Variants in CYP2C18 observed in about 807,000 individuals in gnomAD.
The protein encoded by CYP2C18 is cytochrome P450 family 2 subfamily C member 18.
CYP2C18 carries 38 observed loss-of-function variants against 41.3 expected under a neutral mutation model. The observed-to-expected ratio is 0.92, with a 90% CI of 0.71 to 1.21. The LOEUF is 1.21. Among genes scored for constraint, CYP2C18 ranks in the 50% most tolerant of loss-of-function variants. The probability of loss-of-function intolerance (pLI) is 0.00; values close to 1 mark genes in which losing one functional copy is unlikely to be tolerated. For missense variants in CYP2C18, 635 were observed against 591.4 expected, an observed-to-expected ratio of 1.07 and a Z score of -0.77; for synonymous variants, 236 against 210.0, an observed-to-expected ratio of 1.12 and a Z score of -1.07.
At chr10:94,701,541 C>G (rs1299890970) in intron 4 of CYP2C18, among the ~76,000 whole-genome samples, 3 of 152,132 alleles carry the variant, frequency 2.0e-5, no homozygotes, top group African/African-American at 7.2e-5. Flanking sequence ...ATGGGTGCAG[C>G]ACACCAACAT....
intron 4 of CYP2C18, among the ~76,000 whole-genome samples, chr10:94,700,444 G>C (rs1294932463): frequency 6.6e-6 from 1 of 152,160 alleles, no homozygotes; most frequent in Non-Finnish European, 1.5e-5. Flanking sequence ...GCTGAAACTG[G>C]ATGCCTTCCT....
intron 3 of CYP2C18, among the ~76,000 whole-genome samples, chr10:94,690,634 C>T (rs1220747266): frequency 6.6e-6 from 1 of 152,128 alleles, no homozygotes; most frequent in African/African-American, 2.4e-5. Context: ...GAAACTATTC[C>T]AATCAATAGA....
intron 4 of CYP2C18, among the ~76,000 whole-genome samples, chr10:94,705,824 A>T (rs1847333031): frequency 6.6e-6 from 1 of 152,192 alleles, no homozygotes; most frequent in African/African-American, 2.4e-5. Context: ...AGATGAGAAA[A>T]GAAATGCCTG....
intron 3 of CYP2C18, among the ~76,000 whole-genome samples, chr10:94,693,739 T>C (rs1369180975): frequency 6.6e-6 from 1 of 152,156 alleles, no homozygotes; most frequent in African/African-American, 2.4e-5. Flanking sequence ...CTAAACAGGG[T>C]CCCATTATTT....
intron 4 of CYP2C18, among the ~76,000 whole-genome samples, chr10:94,698,144 G>A (rs375691792): frequency 3.3e-5 from 5 of 152,064 alleles, no homozygotes; most frequent in African/African-American, 9.7e-5. Flanking sequence ...ATAGACATCT[G>A]CAGAACTCTC....
chr10:94,729,648 C>A (rs1564649470), intron 7 of CYP2C18, among the ~76,000 whole-genome samples: 1 of 152,028 alleles, frequency 6.6e-6, no homozygotes, highest in Non-Finnish European at 1.5e-5. Flanking sequence ...TATATATAAA[C>A]AATCTTGGGA....
At chr10:94,694,799 A>C in intron 3 of CYP2C18, 118 bp from the exon 4 acceptor site, 14 of 1,125,696 alleles carry the variant, frequency 1.2e-5, no homozygotes, top group Non-Finnish European at 1.8e-5. Flanking sequence ...TGTGTTGATA[A>C]GAGAATTTCT....
At chr10:94,729,275 T>C (rs1235988175) in intron 7 of CYP2C18, among the ~76,000 whole-genome samples, 1 of 152,170 alleles carries the variant, frequency 6.6e-6, no homozygotes, top group Non-Finnish European at 1.5e-5. Context: ...TAGACACCAG[T>C]GTGCAAGTTG....
intron 5 of CYP2C18, among the ~76,000 whole-genome samples, chr10:94,714,494 G>A (rs572616585): frequency 6.6e-6 from 1 of 152,250 alleles, no homozygotes; most frequent in South Asian, 2.1e-4. Context: ...TTGTAGATGT[G>A]CGGTATTATT....
intron 6 of CYP2C18, among the ~76,000 whole-genome samples, chr10:94,722,425 T>C (rs1847662929): frequency 6.6e-6 from 1 of 152,152 alleles, no homozygotes; most frequent in Non-Finnish European, 1.5e-5. Context: ...ATAAACATAT[T>C]ACAAATGAGA....
In CYP2C18 at chr10:94,721,861, G is replaced by A. The variant is rs550645645; in HGVS notation, c.961+1324G>A. Reference sequence around the variant, plus strand: ...TGTGACACACCATAGAATACTAGATGCAGATTTTTAAATCCCACACATAAC... The same window carrying A: ...TGTGACACACCATAGAATACTAGATACAGATTTTTAAATCCCACACATAAC... On this transcript the variant is annotated intron_variant, in intron 6 of 8. Transcript: ENST00000285979. Among the ~76,000 whole-genome samples the A allele has an allele frequency of 6.6e-5, 10 of 152,046 alleles. No homozygotes were observed. The South Asian group carries it at 2.1e-3, about 32-fold the overall frequency.
intron 5 of CYP2C18, among the ~76,000 whole-genome samples, chr10:94,713,997 C>T (rs1475167866): frequency 1.3e-5 from 2 of 152,156 alleles, no homozygotes; most frequent in East Asian, 3.9e-4. Flanking sequence ...AGTGTCTGTT[C>T]ATATACTTCA....
chr10:94,706,997 A>G (rs756703761), intron 5 of CYP2C18, 37 bp downstream of exon 5: 1 of 1,571,368 alleles, frequency 6.4e-7, no homozygotes, highest in South Asian at 1.1e-5. Context: ...CTTGTGGTTC[A>G]TTGATTAGTT....
At chr10:94,704,255 A>C (rs1475319137) in intron 4 of CYP2C18, among the ~76,000 whole-genome samples, 1 of 151,130 alleles carries the variant, frequency 6.6e-6, no homozygotes, top group African/African-American at 2.4e-5. Flanking sequence ...GAAATTTTGG[A>C]TACTCTTATA....
At chr10:94,719,735 C>T (rs550020968) in intron 5 of CYP2C18, among the ~76,000 whole-genome samples, 12 of 152,010 alleles carry the variant, frequency 7.9e-5, no homozygotes, top group East Asian at 1.9e-4. Context: ...CCATCACGCC[C>T]GGCTAATTTT....
chr10:94,698,591 A>C (rs929049816), intron 4 of CYP2C18, among the ~76,000 whole-genome samples: 11 of 152,214 alleles, frequency 7.2e-5, no homozygotes, highest in Non-Finnish European at 1.5e-4. Flanking sequence ...AAGAGCAAAC[A>C]CATTCAAAAG....
chr10:94,706,415 T>C (rs1003733384), intron 4 of CYP2C18, among the ~76,000 whole-genome samples: 2 of 152,200 alleles, frequency 1.3e-5, no homozygotes, highest in Non-Finnish European at 2.9e-5. Context: ...TATTTCATGT[T>C]GTTCAAATTT....
Position 94,696,205 on chromosome 10 carries a change from C to T in CYP2C18, c.642+1128C>T, listed in dbSNP as rs183611485. Among the ~76,000 whole-genome samples, 118 of 152,264 alleles carry T rather than the reference C, an allele frequency of 7.7e-4. 1 individual carries two copies. Among genetic ancestry groups the T allele is most frequent in the African/African-American group, 2.7e-3 (111 of 41,578 alleles). On this transcript the variant is annotated intron_variant, in intron 4 of 8. Coordinates refer to ENST00000285979, the MANE Select transcript of CYP2C18 (RefSeq NM_000772.3). The stretch of plus-strand genomic sequence containing the variant: ...CGTCTTAAGTGGGTCCCTGACCCCC[C>T]AGTAGCCTAACTGGGAGGCACACCC...
chr10:94,689,597 G>A (rs1158929854), intron 3 of CYP2C18, among the ~76,000 whole-genome samples: 10 of 151,860 alleles, frequency 6.6e-5, no homozygotes. Flanking sequence ...GACTCCTCTT[G>A]GATACCAAAA....
Sources: allele counts gnomAD v4.1 joint callset (sites outside exome capture counted in the v4.1 genomes callset), GRCh38; gene constraint gnomAD v4.1.1; transcripts MANE v1.5; gene names NCBI Gene and HGNC (gene_info 2026-07-23, HGNC 2026-07-21).